The following SHANK2 variants were observed in gnomAD, a reference collection of about 807,000 sequenced individuals.
SHANK2 encodes SH3 and multiple ankyrin repeat domains 2, also known as SH3 and multiple ankyrin repeat domains protein 2.
Under a neutral mutation model 133.7 loss-of-function variants are expected in SHANK2, and 43 were observed. That is an observed-to-expected ratio of 0.32 (90% CI 0.25 to 0.41). The LOEUF (loss-of-function observed/expected upper bound fraction) is 0.41, where lower values mean the gene tolerates loss of function less well. Among genes scored for constraint, SHANK2 ranks in the 10% least tolerant of loss-of-function variants. SHANK2 has a pLI of 1.00. For synonymous variants in SHANK2, 1,017 were observed against 952.8 expected, an observed-to-expected ratio of 1.07 and a Z score of -1.24; for missense variants, 1,994 against 2,235.8, an observed-to-expected ratio of 0.89 and a Z score of 2.18.
intron 17 of SHANK2, among the ~76,000 whole-genome samples, chr11:70,643,142 T>C (rs765467611): frequency 5.9e-5 from 9 of 152,210 alleles, no homozygotes; most frequent in Non-Finnish European, 1.3e-4. Flanking sequence ...ACGGGTTACC[T>C]TGGAGGAAGG....
chr11:70,882,467 GATC>G lies in SHANK2; in HGVS notation c.1174+14031_1174+14033del, dbSNP rs1949673737. ...CTTGATAAAATGGCCCAGTGAAAAA[GATC>G]ATGACAGAAGCTGCCAAGGATTCCT... On this transcript the variant is annotated intron_variant, in intron 11 of 25. Transcript: ENST00000601538. The surrounding 1 kb of genome is among the most constrained non-coding windows in gnomAD (Gnocchi z 4.2). Among the ~76,000 whole-genome samples, 2 of 152,332 alleles carry G rather than the reference GATC, an allele frequency of 1.3e-5. No individual in the cohort carries two copies. The highest frequency in any genetic ancestry group is 3.4e-3 in the Middle Eastern group (1 of 294).
At position 70,471,070 on chromosome 11, in the gene SHANK2, T is replaced by G. The variant is rs1022853376; in HGVS notation, c.*1799A>C. 1.8e-5 allele frequency: 7 copies of G among 384,134 alleles called. No homozygotes were observed. Among genetic ancestry groups the G allele is most frequent in the Non-Finnish European group, 2.8e-5 (6 of 217,832 alleles). 23.8% of individuals were successfully genotyped at this position (384,134 alleles called of 1,614,324 possible). A position where few individuals can be genotyped will look rare whatever the true frequency, so the allele number is the denominator to read the frequency against. On this transcript the variant is annotated 3_prime_UTR_variant, in exon 26 of 26. Coordinates refer to ENST00000601538, the MANE Select transcript of SHANK2 (RefSeq NM_012309.5). This position sits in a 1 kb window ranked among gnomAD's most constrained non-coding sequence, Gnocchi z 4.1. ...AAATAGTATTATTAAATCACAAAAG[T>G]TTTTTTTTCTTTAACTTTCTAGCAC...
intron 11 of SHANK2, among the ~76,000 whole-genome samples, chr11:70,846,303 G>A (rs782260240): frequency 1.2e-4 from 19 of 152,048 alleles, no homozygotes; most frequent in Non-Finnish European, 2.4e-4. Context: ...TCGCTCGGTC[G>A]CTCAGGCTGA....
In SHANK2 at chr11:71,075,156, C is replaced by A. The variant is rs981168631; in HGVS notation, c.1029+3G>T. ...ATTTCCTTTAAATGCGCTCAGCACTCACCTGGTTGTAGAGGGCGCAGATGT... is the reference window on the plus strand; with the variant it reads ...ATTTCCTTTAAATGCGCTCAGCACTAACCTGGTTGTAGAGGGCGCAGATGT... On this transcript the variant is annotated splice_donor_region_variant and intron_variant, in intron 9 of 25. Transcript: ENST00000601538. 3.6e-4 allele frequency: 76 copies of A among 210,150 alleles called. No homozygotes were observed. Among genetic ancestry groups the A allele is most frequent in the Non-Finnish European group, 7.4e-4 (74 of 99,654 alleles). 13.0% of individuals were successfully genotyped at this position (210,150 alleles called of 1,614,324 possible).
intron 14 of SHANK2, among the ~76,000 whole-genome samples, chr11:70,743,727 C>T (rs183467271): frequency 9.8e-5 from 15 of 152,292 alleles, no homozygotes; most frequent in African/African-American, 3.4e-4. Flanking sequence ...CCTTCTCCTC[C>T]CTCCTCCAGG....
In SHANK2 at chr11:70,473,589, A is replaced by T; in HGVS notation, c.4980-150T>A. On this transcript the variant is annotated intron_variant, in intron 25 of 25. Transcript: ENST00000601538. The surrounding 1 kb of genome is among the most constrained non-coding windows in gnomAD (Gnocchi z 5.9). ...ACTGGCAGTGAACGAATGATTTGCC[A>T]TGCCAGGGTGGGGGAGGGGGAGAAA... 2.1e-5 allele frequency: 14 copies of T among 662,026 alleles called. No individual in the cohort carries two copies. Among genetic ancestry groups the T allele is most frequent in the Non-Finnish European group, 3.2e-5 (12 of 373,006 alleles). The allele number at this position is 662,026 out of a possible 1,614,324, so 41.0% of individuals were successfully genotyped here.
intron 14 of SHANK2, among the ~76,000 whole-genome samples, chr11:70,743,144 G>A (rs546822339): frequency 6.6e-6 from 1 of 152,226 alleles, no homozygotes; most frequent in Non-Finnish European, 1.5e-5. Flanking sequence ...GGGCTGGAGG[G>A]GAAACCTGCA....
intron 14 of SHANK2, among the ~76,000 whole-genome samples, chr11:70,773,207 G>C (rs1302844121): frequency 6.6e-6 from 1 of 152,218 alleles, no homozygotes; most frequent in Non-Finnish European, 1.5e-5. Context: ...ACAGCTACAA[G>C]GTGATGTCTT....
At chr11:70,936,007 C>T (rs184442288) in intron 10 of SHANK2, among the ~76,000 whole-genome samples, 1 of 152,338 alleles carries the variant, frequency 6.6e-6, no homozygotes, top group Non-Finnish European at 1.5e-5. Flanking sequence ...AGCACCATTC[C>T]TGGAGGCCTG....
At chr11:70,857,563 TG>T (rs1363848958) in intron 11 of SHANK2, among the ~76,000 whole-genome samples, 2 of 152,120 alleles carry the variant, frequency 1.3e-5, no homozygotes, top group Non-Finnish European at 2.9e-5. Flanking sequence ...TCTCAGGACT[TG>T]GGAGGGCCAA....
intron 10 of SHANK2, among the ~76,000 whole-genome samples, chr11:70,922,812 G>T (rs1441072116): frequency 1.3e-5 from 2 of 152,166 alleles, no homozygotes; most frequent in Non-Finnish European, 1.5e-5. Flanking sequence ...GGAGTGGTGA[G>T]TTTCTAAACG....
In SHANK2 at chr11:70,468,175, CTGTGTT is replaced by C. The variant is rs1423074150; in HGVS notation, c.*4688_*4693del. 4.1e-5 allele frequency: 6 copies of C among 146,544 alleles called. No individual in the cohort carries two copies. The allele number at this position is 146,544 out of a possible 1,614,324, so 9.1% of individuals were successfully genotyped here. A position where few individuals can be genotyped will look rare whatever the true frequency, so the allele number is the denominator to read the frequency against. On this transcript the variant is annotated 3_prime_UTR_variant, in exon 26 of 26. Coordinates refer to ENST00000601538, the MANE Select transcript of SHANK2 (RefSeq NM_012309.5). The stretch of plus-strand genomic sequence containing the variant: ...TTTTTTTCCTTTTTTTTTTTCTTTT[CTGTGTT>C]TATTTGAAGGCTCGTATTAAAATTT...
intron 3 of SHANK2, among the ~76,000 whole-genome samples, chr11:71,145,546 G>A (rs1952627486): frequency 6.6e-6 from 1 of 152,326 alleles, no homozygotes. Flanking sequence ...GGTGGGCTGA[G>A]CAGAGGGTGC....
chr11:71,241,632 G>A (rs1555124434), intron 1 of SHANK2, among the ~76,000 whole-genome samples: 4 of 152,232 alleles, frequency 2.6e-5, no homozygotes. Context: ...GCTCTAGGCT[G>A]GGGCTGAACC....
intron 17 of SHANK2, among the ~76,000 whole-genome samples, chr11:70,593,276 C>T (rs1380285615): frequency 6.6e-6 from 1 of 152,232 alleles, no homozygotes; most frequent in Non-Finnish European, 1.5e-5. Flanking sequence ...AAAATCTAAC[C>T]TACAGCCTGT....
intron 17 of SHANK2, among the ~76,000 whole-genome samples, chr11:70,509,852 G>A (rs782640515): frequency 5.3e-5 from 8 of 152,192 alleles, no homozygotes; most frequent in Non-Finnish European, 7.3e-5. Flanking sequence ...CCAGTTTGCC[G>A]GCCAGTGCCA....
chr11:70,870,785 T>TCA (rs1949446505), intron 11 of SHANK2, among the ~76,000 whole-genome samples: 32 of 152,282 alleles, frequency 2.1e-4, no homozygotes, highest in Admixed American at 1.6e-3. Flanking sequence ...ATTCATTCAT[T>TCA]TATTTATTTG....
At chr11:70,496,694 G>A (rs2058976128) in intron 21 of SHANK2, among the ~76,000 whole-genome samples, 1 of 152,154 alleles carries the variant, frequency 6.6e-6, no homozygotes, top group South Asian at 2.1e-4. Context: ...CAAACCATGG[G>A]ACCAGGCGGG....
At position 70,569,768 on chromosome 11, in the gene SHANK2, T is replaced by A. The variant is rs1176209708; in HGVS notation, c.2062-66837A>T. On this transcript the variant is annotated intron_variant, in intron 17 of 25. Coordinates refer to ENST00000601538, the MANE Select transcript of SHANK2 (RefSeq NM_012309.5). The surrounding 1 kb of genome is among the most constrained non-coding windows in gnomAD (Gnocchi z 5.1). ...ATCTACTGGGGAAGATGCTCTCCTG[T>A]CCCTGGGGGGCTGTGATGCTGGCAG... Among the ~76,000 whole-genome samples the A allele has an allele frequency of 1.3e-5, 2 of 151,994 alleles. No individual in the cohort carries two copies. Among genetic ancestry groups the A allele is most frequent in the African/African-American group, 4.8e-5 (2 of 41,398 alleles).
Sources: gnomAD v4.1 joint callset for allele counts (sites outside exome capture counted in the v4.1 genomes callset) on GRCh38, gnomAD v4.1.1 for gene constraint, Gnocchi (gnomAD v3.1) non-coding constraint, MANE v1.5 for transcripts, NCBI Gene and HGNC (gene_info 2026-07-23, HGNC 2026-07-21) for gene names.